Variants in HBP1 observed in about 807,000 individuals in gnomAD.
HBP1 encodes the protein HMG box-containing protein 1.
A neutral mutation model predicts 62.6 loss-of-function variants in HBP1; 20 were observed. The observed-to-expected ratio is 0.32, with a 90% CI of 0.22 to 0.46. The LOEUF (loss-of-function observed/expected upper bound fraction) is 0.46. HBP1 is among the 20% of genes least tolerant of loss of function. HBP1 has a pLI of 1.00. For synonymous variants in HBP1, 232 were observed against 206.2 expected (o/e 1.12, Z -1.07); for missense variants, 480 against 611.8 (o/e 0.78, Z 2.27).
chr7:107,180,814 G>T (rs1797069859), intron 2 of HBP1, among the ~76,000 whole-genome samples: 2 of 152,150 alleles, frequency 1.3e-5, no homozygotes, highest in African/African-American at 4.8e-5. Context: ...CTGGACCCTA[G>T]TATTTATTGA....
In HBP1 at chr7:107,201,500, G is replaced by C; in HGVS notation, c.*69G>C. 1 of 955,150 alleles carries C rather than the reference G, an allele frequency of 1.0e-6. No individual in the cohort carries two copies. Among genetic ancestry groups the C allele is most frequent in the Non-Finnish European group, 1.7e-6 (1 of 597,436 alleles). 59.2% of individuals were successfully genotyped at this position (955,150 alleles called of 1,614,324 possible). A position where few individuals can be genotyped will look rare whatever the true frequency, so the allele number is the denominator to read the frequency against. On this transcript the variant is annotated 3_prime_UTR_variant, in exon 11 of 11. Transcript: ENST00000222574. ...GACTCTTGATGGAAAGACTTAAGAA[G>C]ATCAAGGTCTCACCATTTGTCCTCA...
chr7:107,187,477 T>G (rs1306719371), intron 6 of HBP1, among the ~76,000 whole-genome samples: 1 of 152,186 alleles, frequency 6.6e-6, no homozygotes, highest in Non-Finnish European at 1.5e-5. Flanking sequence ...CCTTTCACTT[T>G]GAAATTTTTA....
Position 107,185,806 on chromosome 7 carries a change from C to T in HBP1, c.404C>T (p.Ser135Phe). The T allele has an allele frequency of 1.2e-6, 2 of 1,613,010 alleles. No individual in the cohort carries two copies. The highest frequency in any genetic ancestry group is 1.7e-6 in the Non-Finnish European group (2 of 1,179,040). The change falls in exon 4 of 11, where the codon TCT becomes TTT. Residue 135 changes from serine (S) to phenylalanine (F), a missense_variant. Coordinates refer to ENST00000222574, the MANE Select transcript of HBP1 (RefSeq NM_012257.4). Reference protein sequence around the residue: ...LMQCSFYNRSSPVHIIATSKS... With the variant: ...LMQCSFYNRSFPVHIIATSKS... Reference sequence around the variant, plus strand: ...AAACTGTTGCTTTATTTTAGATCATCTCCTGTACACATCATAGCCACTAGC... The same window carrying T: ...AAACTGTTGCTTTATTTTAGATCATTTCCTGTACACATCATAGCCACTAGC...
Position 107,195,830 on chromosome 7 carries a change from A to G in HBP1, c.1068-4A>G, listed in dbSNP as rs753657406. On this transcript the variant is annotated splice_region_variant and splice_polypyrimidine_tract_variant and intron_variant, in intron 8 of 10. Transcript: ENST00000222574. ...AAATATTATTATTTTTTTTAATTTT[A>G]TAGCTATGACTTCACACCTATGGAT... is the stretch of plus-strand genomic sequence containing the variant. 1.5e-6 allele frequency: 2 copies of G among 1,309,826 alleles called. No individual in the cohort carries two copies. The highest frequency in any genetic ancestry group is 2.0e-6 in the Non-Finnish European group (2 of 977,944). 81.1% of individuals were successfully genotyped at this position (1,309,826 alleles called of 1,614,324 possible).
chr7:107,177,677 A>G (rs1471900583), intron 1 of HBP1, among the ~76,000 whole-genome samples: 2 of 152,206 alleles, frequency 1.3e-5, no homozygotes, highest in Non-Finnish European at 2.9e-5. Context: ...TAACATAGGA[A>G]AATGCTTATG....
At chr7:107,172,076 T>A (rs1796627377) in intron 1 of HBP1, among the ~76,000 whole-genome samples, 1 of 152,120 alleles carries the variant, frequency 6.6e-6, no homozygotes, top group Non-Finnish European at 1.5e-5. Context: ...TTCATATACT[T>A]ATCAGCATTT....
At chr7:107,191,948 A>G (rs372477126) in intron 8 of HBP1, among the ~76,000 whole-genome samples, 2 of 152,298 alleles carry the variant, frequency 1.3e-5, no homozygotes, top group East Asian at 3.9e-4. Flanking sequence ...TACTAATACA[A>G]AGCAAAATTG....
intron 3 of HBP1, among the ~76,000 whole-genome samples, chr7:107,182,870 A>G (rs749947939): frequency 3.2e-4 from 49 of 152,196 alleles, no homozygotes; most frequent in Non-Finnish European, 7.4e-5. Context: ...TACTTTTACT[A>G]TACATTTCTA....
At chr7:107,190,358 GTTT>G in intron 8 of HBP1, 41 bp downstream of exon 8, 1 of 1,461,174 alleles carries the variant, frequency 6.8e-7, no homozygotes, top group South Asian at 1.2e-5. Context: ...TCCTCTTAAA[GTTT>G]GCCCTTCATT....
intron 10 of HBP1, 157 bp downstream of exon 10, chr7:107,200,458 TA>T: frequency 2.1e-6 from 1 of 477,886 alleles, no homozygotes; most frequent in Non-Finnish European, 3.6e-6. Flanking sequence ...CATCATCATA[TA>T]AAGACTGCCT....
chr7:107,179,886 A>T lies in HBP1; in HGVS notation c.-8A>T. The T allele has an allele frequency of 6.4e-7, 1 of 1,561,330 alleles. No individual in the cohort carries two copies. Among genetic ancestry groups the T allele is most frequent in the Admixed American group, 1.7e-5 (1 of 59,132 alleles). On this transcript the variant is annotated 5_prime_UTR_variant, in exon 2 of 11. Coordinates refer to ENST00000222574, the MANE Select transcript of HBP1 (RefSeq NM_012257.4). ...TGTCGTTTTTATTTTAAGTCAGAGC[A>T]CCATAACATGGTGTGGGAAGTGAAG...
intron 10 of HBP1, chr7:107,201,193 C>T: frequency 2.5e-6 from 1 of 400,484 alleles, no homozygotes; most frequent in South Asian, 7.1e-5. Context: ...CGGACTTTTC[C>T]TGTATCCCTT....
Position 107,186,564 on chromosome 7 carries a change from C to T in HBP1, c.653-5C>T, listed in dbSNP as rs2115900879. The T allele has an allele frequency of 1.2e-6, 2 of 1,602,598 alleles. No individual in the cohort carries two copies. Among genetic ancestry groups the T allele is most frequent in the East Asian group, 4.5e-5 (2 of 44,820 alleles). ...TCTAATACGTGTTTTCTACCTAAAC[C>T]TTAGGCACACGACTGTGCTTTCATA... is the stretch of plus-strand genomic sequence containing the variant. On this transcript the variant is annotated splice_polypyrimidine_tract_variant and splice_region_variant and intron_variant, in intron 5 of 10. Transcript: ENST00000222574.
Position 107,169,031 on chromosome 7 carries a change from AGT to A in HBP1, c.-169_-168del. 7.8e-7 allele frequency: 1 copy of A among 1,288,896 alleles called. No homozygotes were observed. Among genetic ancestry groups the A allele is most frequent in the Non-Finnish European group, 1.0e-6 (1 of 988,502 alleles). 79.8% of individuals were successfully genotyped at this position (1,288,896 alleles called of 1,614,324 possible). A position where few individuals can be genotyped will look rare whatever the true frequency, so the allele number is the denominator to read the frequency against. On this transcript the variant is annotated 5_prime_UTR_variant, in exon 1 of 11. The change creates a premature stop within an existing upstream ORF in the 5' untranslated region. Coordinates refer to ENST00000222574, the MANE Select transcript of HBP1 (RefSeq NM_012257.4). ...CTTGGTAATGGCGACGGGTTTGGTA[AGT>A]AGGAAAGTTTCGGTTGAGGAGTAAG...
intron 1 of HBP1, among the ~76,000 whole-genome samples, chr7:107,175,842 G>A (rs1457942937): frequency 2.0e-5 from 3 of 150,548 alleles, no homozygotes; most frequent in Middle Eastern, 3.4e-3. Context: ...TCAGCCTCCC[G>A]AGTAGCTGGG....
At chr7:107,183,134 T>C (rs1468568246) in intron 3 of HBP1, among the ~76,000 whole-genome samples, 1 of 152,144 alleles carries the variant, frequency 6.6e-6, no homozygotes, top group East Asian at 1.9e-4. Context: ...AGAAAATGAG[T>C]GGTTGTGCTA....
intron 2 of HBP1, among the ~76,000 whole-genome samples, chr7:107,181,174 G>C (rs1030468788): frequency 6.6e-6 from 1 of 152,146 alleles, no homozygotes; most frequent in African/African-American, 2.4e-5. Flanking sequence ...TCCCGAGTCA[G>C]TGCTTCTAAT....
intron 3 of HBP1, 35 bp from the exon 4 acceptor site, chr7:107,185,766 C>T: frequency 1.9e-6 from 3 of 1,581,286 alleles, no homozygotes; most frequent in Non-Finnish European, 2.6e-6. Context: ...CTTTAAGGAC[C>T]TATGCTTATG....
intron 6 of HBP1, 27 bp from the exon 7 acceptor site, chr7:107,189,265 T>G: frequency 1.9e-6 from 3 of 1,587,856 alleles, no homozygotes; most frequent in Non-Finnish European, 2.6e-6. Flanking sequence ...CATTTCCAAT[T>G]CATTCACGCT....
Sources: gnomAD v4.1 joint callset for allele counts (sites outside exome capture counted in the v4.1 genomes callset) on GRCh38, gnomAD v4.1.1 for gene constraint, MANE v1.5 for transcripts, NCBI Gene and HGNC (gene_info 2026-07-23, HGNC 2026-07-21) for gene names.